STIM2: variants seen among roughly 807,000 people sequenced by gnomAD.
The protein encoded by STIM2 is stromal interaction molecule 2.
A neutral mutation model predicts 85.8 loss-of-function variants in STIM2; 31 were observed. The observed-to-expected ratio is 0.36, with a 90% CI of 0.27 to 0.49. The LOEUF is 0.49. Ranked by LOEUF, STIM2 falls within the 20% of genes least tolerant of loss-of-function variation. The pLI is 0.98. For missense variants in STIM2, 841 were observed against 927.6 expected, an observed-to-expected ratio of 0.91 and a Z score of 1.21; for synonymous variants, 356 against 331.1, an observed-to-expected ratio of 1.08 and a Z score of -0.82.
At chr4:27,019,590 A>G (rs528241756) in intron 11 of STIM2, 1 of 916,224 alleles carries the variant, frequency 1.1e-6, no homozygotes, top group East Asian at 6.2e-5. Context: ...GAATGATTTG[A>G]ATTTGGAAAA....
intron 2 of STIM2, among the ~76,000 whole-genome samples, chr4:26,956,715 A>G (rs1440943617): frequency 6.6e-6 from 1 of 152,142 alleles, no homozygotes; most frequent in Admixed American, 6.6e-5. Context: ...TGATGCAGTA[A>G]TTGAGAAGAT....
At chr4:26,885,867 A>ATATG (rs1553845037) in intron 1 of STIM2, among the ~76,000 whole-genome samples, 1 of 112,538 alleles carries the variant, frequency 8.9e-6, no homozygotes, top group Non-Finnish European at 1.9e-5. Context: ...ATATATATAT[A>ATATG]TATATATGTA....
intron 1 of STIM2, among the ~76,000 whole-genome samples, chr4:26,869,819 A>G (rs1722545079): frequency 6.6e-6 from 1 of 151,214 alleles, no homozygotes; most frequent in African/African-American, 2.4e-5. Flanking sequence ...TCCTTGCTAC[A>G]TTTACTGAAA....
intron 2 of STIM2, among the ~76,000 whole-genome samples, chr4:26,927,861 T>TA: frequency 7.3e-6 from 1 of 136,908 alleles, no homozygotes; most frequent in East Asian, 2.0e-4. Context: ...TATATAATTA[T>TA]TATATAAATT....
intron 2 of STIM2, among the ~76,000 whole-genome samples, chr4:26,936,185 T>G (rs1019952731): frequency 2.6e-5 from 4 of 152,232 alleles, no homozygotes; most frequent in Non-Finnish European, 4.4e-5. Context: ...TATTTCTTAC[T>G]TAAATTGTGA....
intron 2 of STIM2, among the ~76,000 whole-genome samples, chr4:26,922,447 G>T (rs1724840288): frequency 6.6e-6 from 1 of 152,120 alleles, no homozygotes; most frequent in African/African-American, 2.4e-5. Flanking sequence ...CTGAGCTTCT[G>T]CAGTTTCAAT....
At chr4:26,983,829 T>C (rs1245491136) in intron 3 of STIM2, among the ~76,000 whole-genome samples, 1 of 152,238 alleles carries the variant, frequency 6.6e-6, no homozygotes, top group Non-Finnish European at 1.5e-5. Flanking sequence ...TTGATTCTGA[T>C]GTTTTATTTA....
At chr4:26,892,544 T>C (rs749632262) in intron 1 of STIM2, among the ~76,000 whole-genome samples, 6 of 152,176 alleles carry the variant, frequency 3.9e-5, no homozygotes, top group Non-Finnish European at 8.8e-5. Context: ...GGGACGCATA[T>C]ATTCAGTCCA....
At chr4:26,917,632 T>G (rs1724632999) in intron 1 of STIM2, among the ~76,000 whole-genome samples, 1 of 152,164 alleles carries the variant, frequency 6.6e-6, no homozygotes, top group South Asian at 2.1e-4. Context: ...TGCTCCTAAT[T>G]TCTCTTAAAG....
intron 1 of STIM2, among the ~76,000 whole-genome samples, chr4:26,870,208 A>G (rs928690505): frequency 2.6e-5 from 4 of 152,110 alleles, no homozygotes; most frequent in Non-Finnish European, 5.9e-5. Context: ...TCGGAGATCT[A>G]ATGTACAACA....
At chr4:27,015,280 G>C (rs184925051) in intron 10 of STIM2, among the ~76,000 whole-genome samples, 108 of 151,976 alleles carry the variant, frequency 7.1e-4, no homozygotes, top group African/African-American at 2.5e-3. Context: ...TTTAGCCACT[G>C]CTCTCGCATC....
Position 26,950,902 on chromosome 4 carries a change from TTTG to T in STIM2, c.283-6704_283-6702del, listed in dbSNP as rs139178212. Among the ~76,000 whole-genome samples the T allele has an allele frequency of 1.4e-4, 21 of 151,982 alleles. No individual in the cohort carries two copies. In the East Asian group the frequency reaches 2.9e-3, roughly 21 times the overall value. The stretch of plus-strand genomic sequence containing the variant: ...AATGTACATTAGAAGCTTTCATAGG[TTTG>T]TTGTTCTTTTTTTTTTAAATGTATC... On this transcript the variant is annotated intron_variant, in intron 2 of 11. Coordinates refer to ENST00000467087, the MANE Select transcript of STIM2 (RefSeq NM_020860.4).
At chr4:26,902,048 T>C (rs1179180047) in intron 1 of STIM2, among the ~76,000 whole-genome samples, 1 of 152,136 alleles carries the variant, frequency 6.6e-6, no homozygotes, top group Non-Finnish European at 1.5e-5. Context: ...AGGTTGGTCT[T>C]CATTCTTTTT....
At chr4:26,947,267 C>T (rs560632786) in intron 2 of STIM2, among the ~76,000 whole-genome samples, 3 of 152,024 alleles carry the variant, frequency 2.0e-5, no homozygotes, top group Admixed American at 6.6e-5. Context: ...GACAGATTCC[C>T]ATATTAAAAT....
intron 3 of STIM2, among the ~76,000 whole-genome samples, chr4:26,975,979 G>C (rs545795291): frequency 6.6e-6 from 1 of 152,310 alleles, no homozygotes; most frequent in South Asian, 2.1e-4. Flanking sequence ...CCCAAGCCAG[G>C]CTGCCACCTT....
At chr4:26,890,415 A>C (rs1357474716) in intron 1 of STIM2, among the ~76,000 whole-genome samples, 1 of 152,130 alleles carries the variant, frequency 6.6e-6, no homozygotes, top group Non-Finnish European at 1.5e-5. Flanking sequence ...CCACTTTATG[A>C]ATCGTGGGGC....
At chr4:26,963,413 T>C (rs1726557683) in intron 3 of STIM2, among the ~76,000 whole-genome samples, 2 of 152,098 alleles carry the variant, frequency 1.3e-5, no homozygotes, top group African/African-American at 4.8e-5. Context: ...AATAGAAAAG[T>C]GTGTATTGTT....
chr4:26,997,853 AC>A (rs1183973660), intron 4 of STIM2, among the ~76,000 whole-genome samples: 22 of 152,224 alleles, frequency 1.4e-4, no homozygotes, highest in Non-Finnish European at 2.8e-4. Context: ...AGGGAATGTT[AC>A]AGTTCTTTGC....
At chr4:26,939,088 C>G (rs1725504005) in intron 2 of STIM2, among the ~76,000 whole-genome samples, 1 of 152,102 alleles carries the variant, frequency 6.6e-6, no homozygotes, top group Non-Finnish European at 1.5e-5. Flanking sequence ...TCATACCCTG[C>G]TTGTTCCCTG....
Sources: gnomAD v4.1 joint callset for allele counts (sites outside exome capture counted in the v4.1 genomes callset) on GRCh38, gnomAD v4.1.1 for gene constraint, MANE v1.5 for transcripts, NCBI Gene and HGNC (gene_info 2026-07-23, HGNC 2026-07-21) for gene names.